Variants in CACNA1D observed in about 807,000 individuals in gnomAD.
CACNA1D encodes the protein calcium voltage-gated channel subunit alpha1 D.
CACNA1D carries 55 observed loss-of-function variants against 257.1 expected under a neutral mutation model. That is an observed-to-expected ratio of 0.21 (90% CI 0.17 to 0.27). The LOEUF is 0.27. Among genes scored for constraint, CACNA1D ranks in the 10% least tolerant of loss-of-function variants. CACNA1D has a pLI of 1.00. For missense variants in CACNA1D, 1,876 were observed against 2,784.0 expected, an observed-to-expected ratio of 0.67 and a Z score of 7.34; for synonymous variants, 980 against 1,014.9, an observed-to-expected ratio of 0.97 and a Z score of 0.65.
At position 53,619,806 on chromosome 3, in the gene CACNA1D, G is replaced by A. The variant is rs7634736; in HGVS notation, c.484-30973G>A. 4.1e-3 allele frequency among the ~76,000 whole-genome samples: 628 copies of A among 152,270 alleles called. 7 individuals carry two copies. The highest frequency in any genetic ancestry group is 0.015 in the African/African-American group (606 of 41,540). ...GCAAGTGTAAAAGAAGGGAAGACAT[G>A]GTCTCTTCCAACCAGAAATGTATAA... On this transcript the variant is annotated intron_variant, in intron 3 of 47. Coordinates refer to ENST00000350061, the MANE Select transcript of CACNA1D (RefSeq NM_001128840.3).
intron 4 of CACNA1D, among the ~76,000 whole-genome samples, chr3:53,655,984 A>G (rs2094143987): frequency 6.6e-6 from 1 of 152,140 alleles, no homozygotes; most frequent in Admixed American, 6.6e-5. Flanking sequence ...TCCAGTTTCA[A>G]TCTTGTGCAT....
At chr3:53,678,410 C>A (rs942556863) in intron 8 of CACNA1D, among the ~76,000 whole-genome samples, 1 of 152,010 alleles carries the variant, frequency 6.6e-6, no homozygotes, top group African/African-American at 2.4e-5. Flanking sequence ...AAAATCATAC[C>A]AATTAATTTG....
intron 26 of CACNA1D, among the ~76,000 whole-genome samples, chr3:53,748,288 C>T (rs2095190906): frequency 6.6e-6 from 1 of 152,230 alleles, no homozygotes; most frequent in Non-Finnish European, 1.5e-5. Context: ...GATACCCGGT[C>T]CCCATGCATA....
rs767372220 is a variant in CACNA1D, at chr3:53,808,271, G to A, written c.5750-378G>A. 9.7e-5 allele frequency: 26 copies of A among 267,446 alleles called. No individual in the cohort carries two copies. In the Admixed American group the frequency reaches 1.1e-3, roughly 12 times the overall value. 16.6% of individuals were successfully genotyped at this position (267,446 alleles called of 1,614,324 possible). On this transcript the variant is annotated intron_variant, in intron 45 of 47. Coordinates refer to ENST00000350061, the MANE Select transcript of CACNA1D (RefSeq NM_001128840.3). ...CTACTGAAAATACAAAATAGTAGCCGGGCGTGGTGGCGGGCGCCTGTAGTC... is the reference window on the plus strand; with the variant it reads ...CTACTGAAAATACAAAATAGTAGCCAGGCGTGGTGGCGGGCGCCTGTAGTC...
At chr3:53,695,552 G>T (rs546758041) in intron 8 of CACNA1D, among the ~76,000 whole-genome samples, 182 of 152,334 alleles carry the variant, frequency 1.2e-3, no homozygotes, top group African/African-American at 4.0e-3. Context: ...CACATGAGGG[G>T]AGATGATTAC....
intron 16 of CACNA1D, among the ~76,000 whole-genome samples, 163 bp downstream of exon 16, chr3:53,730,719 A>G (rs2094982603): frequency 6.6e-6 from 1 of 152,212 alleles, no homozygotes; most frequent in African/African-American, 2.4e-5. Flanking sequence ...AACGGATGGA[A>G]TCTTGGGCAG....
intron 3 of CACNA1D, among the ~76,000 whole-genome samples, chr3:53,517,647 C>A (rs1001189822): frequency 1.3e-5 from 2 of 152,108 alleles, no homozygotes; most frequent in African/African-American, 4.8e-5. Flanking sequence ...CCACACCCAG[C>A]TAATTTTTGT....
At chr3:53,539,415 TTC>T (rs2092235382) in intron 3 of CACNA1D, among the ~76,000 whole-genome samples, 1 of 152,194 alleles carries the variant, frequency 6.6e-6, no homozygotes, top group Non-Finnish European at 1.5e-5. Context: ...GCCTCCTGGA[TTC>T]TTTTATATCT....
At chr3:53,750,598 T>C (rs7613589) in intron 27 of CACNA1D, among the ~76,000 whole-genome samples, 3,257 of 152,208 alleles carry the variant, frequency 0.021, 112 homozygotes, top group African/African-American at 0.075. Flanking sequence ...CCACCAGTGA[T>C]TGTCAGGGAG....
chr3:53,496,624 T>G (rs1477830313), intron 1 of CACNA1D, among the ~76,000 whole-genome samples: 3 of 152,180 alleles, frequency 2.0e-5, no homozygotes, highest in African/African-American at 7.2e-5. Flanking sequence ...TGGAAGATTT[T>G]TTTTCGGTAC....
At position 53,751,466 on chromosome 3, in the gene CACNA1D, T is replaced by A. The variant is rs2095225434; in HGVS notation, c.3517-283T>A. 6.6e-6 allele frequency among the ~76,000 whole-genome samples: 1 copy of A among 152,190 alleles called. No homozygotes were observed. The highest frequency in any genetic ancestry group is 1.5e-5 in the Non-Finnish European group (1 of 68,038). ...GGCCTCAGGAAAGACAGCTAAAAGC[T>A]CTGAGCCTCAGTTTTTAGTAAGCAA... On this transcript the variant is annotated intron_variant, in intron 27 of 47. Transcript: ENST00000350061. The surrounding 1 kb of genome is among the most constrained non-coding windows in gnomAD (Gnocchi z 4.3).
chr3:53,682,313 A>G (rs997238217), intron 8 of CACNA1D, among the ~76,000 whole-genome samples: 1 of 126,404 alleles, frequency 7.9e-6, no homozygotes, highest in Non-Finnish European at 1.6e-5. Context: ...GGGTTGCTTG[A>G]GGCCGGGAGT....
At chr3:53,729,075 C>T (rs1253829812) in intron 15 of CACNA1D, among the ~76,000 whole-genome samples, 1 of 152,164 alleles carries the variant, frequency 6.6e-6, no homozygotes, top group South Asian at 2.1e-4. Context: ...CTCAGTACAG[C>T]TAGTCTCATC....
chr3:53,786,727 C>T (rs546013899), intron 39 of CACNA1D, 95 bp from the exon 40 acceptor site: 15 of 632,126 alleles, frequency 2.4e-5, no homozygotes, highest in South Asian at 2.4e-4. Context: ...ACCCGCCCCA[C>T]TCTGCCCCTG....
Position 53,665,722 on chromosome 3 carries a change from T to C in CACNA1D, c.829T>C (p.Leu277=). ...AMVPLLHIAL[L]VLFVIIIYAI... The stretch of plus-strand genomic sequence containing the variant: ...GGTTCCCCTCCTTCACATAGCCCTT[T>C]TGGTATTATTTGTAATCATAATCTA... The change falls in exon 6 of 48, where the codon TTG becomes CTG. Residue 277 remains leucine, a synonymous_variant. Coordinates refer to ENST00000350061, the MANE Select transcript of CACNA1D (RefSeq NM_001128840.3). 1.2e-6 allele frequency: 2 copies of C among 1,605,008 alleles called. No individual in the cohort carries two copies. The highest frequency in any genetic ancestry group is 1.7e-6 in the Non-Finnish European group (2 of 1,171,788).
chr3:53,615,183 T>C (rs952183041), intron 3 of CACNA1D, among the ~76,000 whole-genome samples: 1 of 152,220 alleles, frequency 6.6e-6, no homozygotes, highest in Non-Finnish European at 1.5e-5. Flanking sequence ...CATCACCTGC[T>C]GTTCAGGCTT....
At chr3:53,756,281 T>C (rs2095264494) in intron 29 of CACNA1D, among the ~76,000 whole-genome samples, 1 of 152,094 alleles carries the variant, frequency 6.6e-6, no homozygotes, top group South Asian at 2.1e-4. Context: ...CTGGGCCTCC[T>C]AAGAGAGTAT....
chr3:53,635,712 T>C (rs2093875088), intron 3 of CACNA1D, among the ~76,000 whole-genome samples: 1 of 152,152 alleles, frequency 6.6e-6, no homozygotes, highest in East Asian at 1.9e-4. Context: ...TGGTGCTTTT[T>C]CCTACTCCAT....
intron 38 of CACNA1D, among the ~76,000 whole-genome samples, chr3:53,780,856 G>C (rs973948798): frequency 2.6e-5 from 4 of 152,218 alleles, no homozygotes; most frequent in African/African-American, 7.2e-5. Context: ...CTGAGGCACT[G>C]GTGGAGGAGA....
Sources: gnomAD v4.1 joint callset for allele counts (sites outside exome capture counted in the v4.1 genomes callset) on GRCh38, gnomAD v4.1.1 for gene constraint, Gnocchi (gnomAD v3.1) non-coding constraint, MANE v1.5 for transcripts, NCBI Gene and HGNC (gene_info 2026-07-23, HGNC 2026-07-21) for gene names.